The following KATNAL1 variants were observed in gnomAD, a reference collection of about 807,000 sequenced individuals.
The protein encoded by KATNAL1 is katanin p60 ATPase-containing subunit A-like 1.
A neutral mutation model predicts 55.2 loss-of-function variants in KATNAL1; 32 were observed. The observed-to-expected ratio is 0.58, with a 90% CI of 0.44 to 0.78. The LOEUF (loss-of-function observed/expected upper bound fraction) is 0.78, where lower values mean the gene tolerates loss of function less well. KATNAL1 is among the 30% of genes least tolerant of loss of function. KATNAL1 has a pLI of 0.00. For synonymous variants in KATNAL1, 193 were observed against 193.6 expected (o/e 1.00, Z 0.02); for missense variants, 466 against 600.9 (o/e 0.78, Z 2.35).
At chr13:30,246,316 G>A (rs139694015) in intron 4 of KATNAL1, among the ~76,000 whole-genome samples, 3,311 of 152,236 alleles carry the variant, frequency 0.022, 46 homozygotes, top group Non-Finnish European at 0.033. Context: ...TTTAATAGAC[G>A]GTGTTGGGAA....
At chr13:30,238,615 C>A (rs929925645) in intron 6 of KATNAL1, among the ~76,000 whole-genome samples, 1 of 152,170 alleles carries the variant, frequency 6.6e-6, no homozygotes, top group Admixed American at 6.5e-5. Context: ...TTGAATCCCA[C>A]GTCCTCAAGC....
At chr13:30,237,030 C>T (rs1009403294) in intron 6 of KATNAL1, among the ~76,000 whole-genome samples, 7 of 152,192 alleles carry the variant, frequency 4.6e-5, no homozygotes, top group African/African-American at 1.7e-4. Context: ...CTCTCTTCTG[C>T]CATAGCAGTG....
chr13:30,260,067 G>A (rs897517297), intron 3 of KATNAL1, among the ~76,000 whole-genome samples: 5 of 152,224 alleles, frequency 3.3e-5, no homozygotes, highest in South Asian at 2.1e-4. Context: ...CCCTGACCCC[G>A]ACCCCCCAGC....
chr13:30,304,658 C>G (rs1447119351), intron 1 of KATNAL1, among the ~76,000 whole-genome samples: 1 of 152,128 alleles, frequency 6.6e-6, no homozygotes, highest in Non-Finnish European at 1.5e-5. Context: ...TCCATTCTCC[C>G]TTGTAGCTTT....
intron 1 of KATNAL1, among the ~76,000 whole-genome samples, chr13:30,301,185 T>A: frequency 6.6e-6 from 1 of 152,106 alleles, no homozygotes; most frequent in Non-Finnish European, 1.5e-5. Flanking sequence ...CTGGCCAACA[T>A]GGCAAAACCC....
intron 4 of KATNAL1, among the ~76,000 whole-genome samples, chr13:30,246,653 G>A (rs1443799907): frequency 4.6e-5 from 7 of 151,968 alleles, no homozygotes; most frequent in Admixed American, 4.6e-4. Context: ...TCTGACAAAG[G>A]GCTAATAATA....
chr13:30,216,319 G>A (rs966552204), intron 9 of KATNAL1, among the ~76,000 whole-genome samples: 4 of 152,140 alleles, frequency 2.6e-5, no homozygotes, highest in Non-Finnish European at 5.9e-5. Context: ...ATGCTGGGAG[G>A]GAACACGCTG....
At chr13:30,210,567 C>A (rs2137338186) in intron 9 of KATNAL1, 125 bp from the exon 10 acceptor site, 2 of 648,926 alleles carry the variant, frequency 3.1e-6, no homozygotes, top group East Asian at 6.6e-5. Context: ...AACTGTGTGT[C>A]CATTAGTATT....
At chr13:30,296,911 G>A (rs1882540816) in intron 1 of KATNAL1, among the ~76,000 whole-genome samples, 1 of 151,978 alleles carries the variant, frequency 6.6e-6, no homozygotes, top group Admixed American at 6.5e-5. Context: ...CTCCTCCTGG[G>A]AGCTGAATAG....
chr13:30,205,420 G>A lies in KATNAL1; in HGVS notation c.*3120C>T, dbSNP rs1048281221. 1 of 152,206 alleles carries A rather than the reference G, an allele frequency of 6.6e-6. No homozygotes were observed. Among genetic ancestry groups the A allele is most frequent in the African/African-American group, 2.4e-5 (1 of 41,430 alleles). The allele number at this position is 152,206 out of a possible 1,614,324, so 9.4% of individuals were successfully genotyped here. On this transcript the variant is annotated 3_prime_UTR_variant, in exon 11 of 11. Coordinates refer to ENST00000380615, the MANE Select transcript of KATNAL1 (RefSeq NM_032116.5). ...ATCAGATATCTGCAAAGCAGACTTAGCTTAGTCCTACAGTCATTGTGCTGC... is the reference window on the plus strand; with the variant it reads ...ATCAGATATCTGCAAAGCAGACTTAACTTAGTCCTACAGTCATTGTGCTGC...
intron 1 of KATNAL1, among the ~76,000 whole-genome samples, chr13:30,284,380 T>G (rs536945817): frequency 6.6e-6 from 1 of 152,150 alleles, no homozygotes; most frequent in Non-Finnish European, 1.5e-5. Flanking sequence ...ATAATTACCA[T>G]AGGCTGCAAT....
At chr13:30,307,104 C>A (rs1405112301) in intron 1 of KATNAL1, 1 of 152,322 alleles carries the variant, frequency 6.6e-6, no homozygotes, top group African/African-American at 2.4e-5. Context: ...CCGAGCTACC[C>A]CACCAAGACC....
At chr13:30,225,225 C>T (rs7999644) in intron 9 of KATNAL1, among the ~76,000 whole-genome samples, 14,891 of 152,154 alleles carry the variant, frequency 0.098, 977 homozygotes, top group African/African-American at 0.19. Context: ...TAGAGTTTGT[C>T]CTTACTTCTA....
intron 1 of KATNAL1, among the ~76,000 whole-genome samples, chr13:30,306,286 TAAAACATGGTATTTTTCCTTCCG>T (rs1359005219): frequency 2.0e-5 from 3 of 152,128 alleles, no homozygotes; most frequent in Non-Finnish European, 4.4e-5. Context: ...ACTAAATAAT[TAAAACATGGTATTTTTCCTTCCG>T]AAAACATGCT....
At chr13:30,221,813 A>G (rs1015049156) in intron 9 of KATNAL1, among the ~76,000 whole-genome samples, 1 of 152,174 alleles carries the variant, frequency 6.6e-6, no homozygotes, top group Non-Finnish European at 1.5e-5. Context: ...GCACTTTGAG[A>G]GGTGGAGGCT....
intron 1 of KATNAL1, among the ~76,000 whole-genome samples, chr13:30,305,119 T>C (rs13378210): frequency 0.24 from 36,256 of 152,088 alleles, 4,737 homozygotes; most frequent in Non-Finnish European, 0.3. Flanking sequence ...GCTGGAGTTA[T>C]CTTTCTAAAA....
At chr13:30,233,758 CAGCCATAAAA>C (rs768229473) in intron 6 of KATNAL1, among the ~76,000 whole-genome samples, 1 of 152,274 alleles carries the variant, frequency 6.6e-6, no homozygotes, top group Non-Finnish European at 1.5e-5. Flanking sequence ...GAATACTATT[CAGCCATAAAA>C]AGAATAAAAT....
chr13:30,270,375 G>GA (rs1880230612), intron 3 of KATNAL1, among the ~76,000 whole-genome samples: 1 of 152,036 alleles, frequency 6.6e-6, no homozygotes, highest in African/African-American at 2.4e-5. Context: ...CCCCTACTGG[G>GA]AAGTGAGGAG....
intron 1 of KATNAL1, among the ~76,000 whole-genome samples, chr13:30,304,268 C>CTT (rs35058135): frequency 7.1e-5 from 10 of 140,040 alleles, no homozygotes; most frequent in Non-Finnish European, 1.1e-4. Flanking sequence ...ACACACAACT[C>CTT]TTTTTTTTTT....
Sources: gnomAD v4.1 joint callset for allele counts (sites outside exome capture counted in the v4.1 genomes callset) on GRCh38, gnomAD v4.1.1 for gene constraint, MANE v1.5 for transcripts, NCBI Gene and HGNC (gene_info 2026-07-23, HGNC 2026-07-21) for gene names.